Variants in MGAT5B observed in about 807,000 individuals in gnomAD.
MGAT5B encodes alpha-1,6-mannosylglycoprotein 6-beta-N-acetylglucosaminyltransferase B.
In MGAT5B, 54 loss-of-function variants were observed where a neutral mutation model predicts 95.1. The ratio of observed to expected loss-of-function variants is 0.57; its 90% CI spans 0.46 to 0.71. The LOEUF is 0.71. Ranked by LOEUF, MGAT5B falls within the 30% of genes least tolerant of loss-of-function variation. The pLI is 0.00. For missense variants in MGAT5B, 935 were observed against 1,088.6 expected (o/e 0.86, Z 1.99); for synonymous variants, 464 against 451.0 (o/e 1.03, Z -0.36).
chr17:76,919,659 G>A (rs1452209702), intron 8 of MGAT5B, among the ~76,000 whole-genome samples: 3 of 152,154 alleles, frequency 2.0e-5, no homozygotes, highest in Non-Finnish European at 2.9e-5. Context: ...TCAAACTGCT[G>A]GACTCAAGCG....
intron 8 of MGAT5B, among the ~76,000 whole-genome samples, chr17:76,919,973 C>CA (rs1969074781): frequency 6.6e-6 from 1 of 152,178 alleles, no homozygotes; most frequent in Non-Finnish European, 1.5e-5. Context: ...GTGCAGGGGC[C>CA]AACTCTAACC....
At chr17:76,922,228 G>C (rs986677366) in intron 8 of MGAT5B, among the ~76,000 whole-genome samples, 3 of 152,180 alleles carry the variant, frequency 2.0e-5, no homozygotes, top group Non-Finnish European at 4.4e-5. Context: ...GGTGCAGGTA[G>C]CAGCTCCTAG....
At chr17:76,895,390 C>T (rs1218607086) in intron 3 of MGAT5B, among the ~76,000 whole-genome samples, 1 of 152,146 alleles carries the variant, frequency 6.6e-6, no homozygotes, top group Admixed American at 6.5e-5. Context: ...ACCATCCCCA[C>T]TGCCCCTCTC....
In MGAT5B at chr17:76,914,708, G is replaced by C. The variant is rs781696193; in HGVS notation, c.1025+8521G>C. 6.6e-6 allele frequency among the ~76,000 whole-genome samples: 1 copy of C among 151,748 alleles called. No homozygotes were observed. Among genetic ancestry groups the C allele is most frequent in the Non-Finnish European group, 1.5e-5 (1 of 67,978 alleles). On this transcript the variant is annotated intron_variant, in intron 8 of 17. Coordinates refer to ENST00000569840, the MANE Select transcript of MGAT5B (RefSeq NM_001199172.2). This position sits in a 1 kb window ranked among gnomAD's most constrained non-coding sequence, Gnocchi z 5.1. ...AGCTGGAGCGCAGTGGCGCAGTCTC[G>C]GCTCACTGCATCCTCCACCTCCGGG...
intron 2 of MGAT5B, among the ~76,000 whole-genome samples, chr17:76,879,359 A>G (rs1967320077): frequency 6.6e-6 from 1 of 152,158 alleles, no homozygotes; most frequent in African/African-American, 2.4e-5. Context: ...TGCAGGAACG[A>G]GCTGCTGACC....
chr17:76,897,733 T>C (rs7502793), intron 3 of MGAT5B, among the ~76,000 whole-genome samples: 1 of 69,424 alleles, frequency 1.4e-5, no homozygotes, highest in African/African-American at 1.2e-4. Context: ...TTCTTTTTCT[T>C]TTTTTTTTTT....
intron 1 of MGAT5B, chr17:76,872,578 G>T: frequency 7.6e-7 from 1 of 1,313,576 alleles, no homozygotes; most frequent in South Asian, 1.6e-5. Context: ...TCTGCCTGGA[G>T]GCTAGAGCCC....
In MGAT5B at chr17:76,940,281, G is replaced by C; in HGVS notation, c.1585-121G>C. 2 of 1,235,138 alleles carry C rather than the reference G, an allele frequency of 1.6e-6. No individual in the cohort carries two copies. Among genetic ancestry groups the C allele is most frequent in the Non-Finnish European group, 2.2e-6 (2 of 921,354 alleles). The allele number at this position is 1,235,138 out of a possible 1,614,324, so 76.5% of individuals were successfully genotyped here. A position where few individuals can be genotyped will look rare whatever the true frequency, so the allele number is the denominator to read the frequency against. ...CATAACAGGCTGAGCAAAAATAATC[G>C]CTCCAGGCCCAGCTGCCTCCTGTGA... On this transcript the variant is annotated intron_variant, in intron 13 of 17. Coordinates refer to ENST00000569840, the MANE Select transcript of MGAT5B (RefSeq NM_001199172.2). The surrounding 1 kb of genome is among the most constrained non-coding windows in gnomAD (Gnocchi z 4.3).
At position 76,869,653 on chromosome 17, in the gene MGAT5B, G is replaced by A. The variant is rs1334899999; in HGVS notation, c.68+556G>A. 6.6e-6 allele frequency among the ~76,000 whole-genome samples: 1 copy of A among 152,248 alleles called. No individual in the cohort carries two copies. Among genetic ancestry groups the A allele is most frequent in the Non-Finnish European group, 1.5e-5 (1 of 68,038 alleles). The stretch of plus-strand genomic sequence containing the variant: ...CCGACGAGAGGGTCCCGAGATTAGA[G>A]CGAGGACTCGCTCATCCCAGGATTC... On this transcript the variant is annotated intron_variant, in intron 1 of 17. Transcript: ENST00000569840. This position sits in a 1 kb window ranked among gnomAD's most constrained non-coding sequence, Gnocchi z 7.0.
chr17:76,902,742 G>GT, intron 4 of MGAT5B, 72 bp downstream of exon 4: 3 of 836,016 alleles, frequency 3.6e-6, no homozygotes, highest in Non-Finnish European at 5.7e-6. Flanking sequence ...TGGGCCCTGG[G>GT]AGGGTGGGAC....
chr17:76,928,833 C>T (rs950890730), intron 10 of MGAT5B, among the ~76,000 whole-genome samples: 4 of 151,730 alleles, frequency 2.6e-5, no homozygotes, highest in African/African-American at 4.8e-5. Flanking sequence ...CCTGAATTCA[C>T]GTCGGAGGAC....
chr17:76,900,926 T>C (rs1968287841), intron 3 of MGAT5B, among the ~76,000 whole-genome samples: 1 of 146,810 alleles, frequency 6.8e-6, no homozygotes. Context: ...TGTACATGTG[T>C]GCGTGCGTGT....
chr17:76,888,887 G>C (rs1305577610), intron 3 of MGAT5B, among the ~76,000 whole-genome samples: 2 of 152,230 alleles, frequency 1.3e-5, no homozygotes, highest in Non-Finnish European at 2.9e-5. Flanking sequence ...CTAGGCCTCA[G>C]GTGGTGGAGG....
At chr17:76,927,184 C>T (rs1969339404) in intron 10 of MGAT5B, among the ~76,000 whole-genome samples, 1 of 152,128 alleles carries the variant, frequency 6.6e-6, no homozygotes, top group Admixed American at 6.5e-5. Flanking sequence ...CAGGATTGGG[C>T]TTGGCTTCCA....
At chr17:76,881,168 C>T (rs375379208) in intron 2 of MGAT5B, among the ~76,000 whole-genome samples, 1 of 152,212 alleles carries the variant, frequency 6.6e-6, no homozygotes, top group East Asian at 1.9e-4. Context: ...CTCGCTCCCG[C>T]ACACTGGCAC....
intron 8 of MGAT5B, among the ~76,000 whole-genome samples, chr17:76,908,249 T>TTTC (rs1968604774): frequency 1.4e-5 from 2 of 147,360 alleles, no homozygotes; most frequent in Non-Finnish European, 1.5e-5. Context: ...TTCTTTCTTT[T>TTTC]TTTCCTTTCT....
At chr17:76,893,012 G>A (rs1482024782) in intron 3 of MGAT5B, among the ~76,000 whole-genome samples, 3 of 152,190 alleles carry the variant, frequency 2.0e-5, no homozygotes, top group African/African-American at 4.8e-5. Context: ...GTCCAGGGCA[G>A]GCCTTTCTTT....
Position 76,940,814 on chromosome 17 carries a change from T to G in MGAT5B, c.1814T>G (p.Phe605Cys). The G allele has an allele frequency of 6.2e-7, 1 of 1,614,014 alleles. No homozygotes were observed. The highest frequency in any genetic ancestry group is 8.5e-7 in the Non-Finnish European group (1 of 1,179,992). ...GTCGACTACAACAACTCAGAGGAGT[T>G]TGAAGCAGCCATCAAGGCCATTATG... ...WTVDYNNSEE[F>C]EAAIKAIMRT... is the part of the protein sequence containing the mutation. The change falls in exon 15 of 18, where the codon TTT becomes TGT. Residue 605 changes from phenylalanine to cysteine, a missense_variant. Transcript: ENST00000569840. The surrounding 1 kb of genome is among the most constrained non-coding windows in gnomAD (Gnocchi z 4.3).
At chr17:76,932,611 G>T in intron 10 of MGAT5B, 34 bp from the exon 11 acceptor site, 1 of 1,611,972 alleles carries the variant, frequency 6.2e-7, no homozygotes, top group African/African-American at 1.3e-5. Flanking sequence ...TGGTTGTTTG[G>T]TGACCCCATT....
Sources: allele counts gnomAD v4.1 joint callset (sites outside exome capture counted in the v4.1 genomes callset), GRCh38; gene constraint gnomAD v4.1.1; non-coding constraint Gnocchi (gnomAD v3.1); transcripts MANE v1.5; gene names NCBI Gene and HGNC (gene_info 2026-07-23, HGNC 2026-07-21).